Variants in NME8 observed in about 807,000 individuals in gnomAD.
The protein encoded by NME8 is protein NME8.
Under a neutral mutation model 82.3 loss-of-function variants are expected in NME8, and 72 were observed. The observed-to-expected ratio is 0.87, with a 90% CI of 0.72 to 1.06. The LOEUF (loss-of-function observed/expected upper bound fraction) is 1.06, where lower values mean the gene tolerates loss of function less well. Among genes scored for constraint, NME8 ranks in the 50% least tolerant of loss-of-function variants. The pLI is 0.00. For missense variants in NME8, 712 were observed against 685.4 expected, an observed-to-expected ratio of 1.04 and a Z score of -0.43; for synonymous variants, 267 against 228.5, an observed-to-expected ratio of 1.17 and a Z score of -1.52.
rs1784525675 is a variant in NME8 at position 37,857,318 on chromosome 7, A to G, written c.243A>G (p.Lys81=). The change falls in exon 6 of 18, where the codon AAA becomes AAG. Residue 81 remains lysine, a synonymous_variant. Transcript: ENST00000199447. ...TGACTTTGCAGCCATTTAGAGATAA[A>G]TGTGAACCTGTTTTTCTCTTTAGTG... The part of the protein sequence containing the change: ...NIVTLQPFRD[K]CEPVFLFSVN... The G allele has an allele frequency of 1.2e-6, 2 of 1,611,426 alleles. No individual in the cohort carries two copies. The highest frequency in any genetic ancestry group is 2.2e-5 in the South Asian group (2 of 90,858).
At chr7:37,879,623 A>G (rs1012428156) in intron 12 of NME8, among the ~76,000 whole-genome samples, 8 of 152,198 alleles carry the variant, frequency 5.3e-5, no homozygotes, top group African/African-American at 1.9e-4. Context: ...GGTTGCTTCC[A>G]GTTTTCAGCC....
rs117684951 is a variant in NME8, at chr7:37,869,957, C to T, written c.818+2059C>T. On this transcript the variant is annotated intron_variant, in intron 11 of 17. Transcript: ENST00000199447. ...TTTATCTGCCTAAGATCCTCAGATC[C>T]GACAGGAACAATTATTTTTCTTCCT... 9.4e-3 allele frequency among the ~76,000 whole-genome samples: 1,433 copies of T among 152,184 alleles called. 10 individuals carry two copies. The highest frequency in any genetic ancestry group is 0.015 in the Non-Finnish European group (994 of 68,010).
At chr7:37,870,663 A>G (rs1310513627) in intron 11 of NME8, among the ~76,000 whole-genome samples, 1 of 151,136 alleles carries the variant, frequency 6.6e-6, no homozygotes. Context: ...TCATGCAGCC[A>G]GTGGGCTGCA....
rs374765720 is a variant in NME8 at position 37,865,517 on chromosome 7, A to C, written c.529-8A>C. The C allele has an allele frequency of 7.9e-5, 126 of 1,594,974 alleles. 1 individual carries two copies. In the Middle Eastern group the frequency reaches 1.7e-3, roughly 21 times the overall value. Reference sequence around the variant, plus strand: ...ACACCTGGATTTGACCTTACTCTCTAATTGAAGATTACCAAAGCTGGATTT... The same window carrying C: ...ACACCTGGATTTGACCTTACTCTCTCATTGAAGATTACCAAAGCTGGATTT... On this transcript the variant is annotated splice_region_variant and splice_polypyrimidine_tract_variant and intron_variant, in intron 9 of 17. Coordinates refer to ENST00000199447, the MANE Select transcript of NME8 (RefSeq NM_016616.5).
intron 6 of NME8, among the ~76,000 whole-genome samples, chr7:37,861,318 C>T (rs928700872): frequency 6.6e-6 from 1 of 152,152 alleles, no homozygotes; most frequent in African/African-American, 2.4e-5. Context: ...AGCTTTAGAA[C>T]CCTTATGTCT....
At chr7:37,861,623 A>G (rs1429432082) in intron 6 of NME8, among the ~76,000 whole-genome samples, 1 of 152,168 alleles carries the variant, frequency 6.6e-6, no homozygotes. Context: ...CAGTAAACAG[A>G]TGCTTAGTAA....
Position 37,865,613 on chromosome 7 carries a change from AC to A in NME8, c.619del (p.Gln207SerfsTer11). 1 of 1,605,738 alleles carries A rather than the reference AC, an allele frequency of 6.2e-7. No individual in the cohort carries two copies. Among genetic ancestry groups the A allele is most frequent in the Non-Finnish European group, 8.5e-7 (1 of 1,172,550 alleles). ...QVVNFYSRIADQCDFEEFVSF... is the reference protein window; with the variant it reads ...QVVNFYSRIAXQCDFEEFVSF... The stretch of plus-strand genomic sequence containing the variant: ...GTCAACTTCTATAGTCGAATAGCAG[AC>A]CAGGTATGAAAGTTAAAAAGAAAAA... On this transcript the variant is annotated frameshift_variant, in exon 10 of 18. Coordinates refer to ENST00000199447, the MANE Select transcript of NME8 (RefSeq NM_016616.5). LOFTEE classifies it high-confidence loss of function.
At chr7:37,854,160 GAT>G (rs774740645) in intron 5 of NME8, among the ~76,000 whole-genome samples, 50 of 152,064 alleles carry the variant, frequency 3.3e-4, no homozygotes, top group Non-Finnish European at 4.9e-4. Flanking sequence ...ACAGTCGATT[GAT>G]ACATATTCTG....
intron 2 of NME8, among the ~76,000 whole-genome samples, chr7:37,850,032 C>T (rs984861234): frequency 1.3e-5 from 2 of 151,952 alleles, no homozygotes; most frequent in Non-Finnish European, 2.9e-5. Flanking sequence ...GTGATGGATA[C>T]CCCATTTACC....
intron 5 of NME8, 28 bp downstream of exon 5, chr7:37,850,763 T>A: frequency 7.2e-7 from 1 of 1,391,002 alleles, no homozygotes; most frequent in Non-Finnish European, 1.0e-6. Context: ...ATTAAACCAC[T>A]GTTTTCACAT....
chr7:37,890,263 C>T (rs1785108288), intron 15 of NME8, among the ~76,000 whole-genome samples: 1 of 151,942 alleles, frequency 6.6e-6, no homozygotes, highest in African/African-American at 2.4e-5. Context: ...TGTTAAACAG[C>T]CAAATTCACT....
intron 14 of NME8, among the ~76,000 whole-genome samples, chr7:37,886,664 C>A (rs1785045278): frequency 6.6e-6 from 1 of 152,122 alleles, no homozygotes; most frequent in South Asian, 2.1e-4. Context: ...TCATGTTTAA[C>A]AGCATAACAG....
chr7:37,870,673 A>T (rs1361077401), intron 11 of NME8, among the ~76,000 whole-genome samples: 1 of 151,604 alleles, frequency 6.6e-6, no homozygotes, highest in Non-Finnish European at 1.5e-5. Flanking sequence ...AGTGGGCTGC[A>T]GGTTGGACAA....
chr7:37,865,941 T>C (rs1333154513), intron 10 of NME8, among the ~76,000 whole-genome samples: 1 of 152,120 alleles, frequency 6.6e-6, no homozygotes, highest in African/African-American at 2.4e-5. Context: ...TTGATTTTTA[T>C]TCTGGGTTGA....
intron 5 of NME8, among the ~76,000 whole-genome samples, chr7:37,855,571 C>A (rs1784498467): frequency 6.6e-6 from 1 of 152,120 alleles, no homozygotes; most frequent in South Asian, 2.1e-4. Context: ...TTCAGGTAGA[C>A]ATCTTTTCTC....
In NME8 at chr7:37,862,009, G is replaced by C. The variant is rs1486411712; in HGVS notation, c.271-19G>C. ...TTCTCCAAATGAAAGTTCCCCTCCT[G>C]TTTTCATTTCCCTTATAGAATGGCA... is the stretch of plus-strand genomic sequence containing the variant. On this transcript the variant is annotated intron_variant, in intron 6 of 17. Transcript: ENST00000199447. The C allele has an allele frequency of 1.2e-5, 19 of 1,524,766 alleles. No individual in the cohort carries two copies. The highest frequency in any genetic ancestry group is 1.7e-5 in the Non-Finnish European group (19 of 1,098,764). 94.5% of individuals were successfully genotyped at this position (1,524,766 alleles called of 1,614,324 possible). A position where few individuals can be genotyped will look rare whatever the true frequency, so the allele number is the denominator to read the frequency against.
intron 12 of NME8, among the ~76,000 whole-genome samples, chr7:37,880,530 GCTCTCTGCTCTGT>G (rs1423461420): frequency 6.6e-6 from 1 of 152,070 alleles, no homozygotes; most frequent in Non-Finnish European, 1.5e-5. Flanking sequence ...CTTTTTCTGG[GCTCTCTGCTCTGT>G]TCCATTAATC....
chr7:37,858,752 T>G (rs747021750), intron 6 of NME8, among the ~76,000 whole-genome samples: 20 of 151,994 alleles, frequency 1.3e-4, no homozygotes, highest in Non-Finnish European at 2.5e-4. Context: ...TCTGGGATAG[T>G]CGATAATATA....
intron 11 of NME8, among the ~76,000 whole-genome samples, chr7:37,869,175 C>T (rs1784733983): frequency 6.6e-6 from 1 of 152,180 alleles, no homozygotes; most frequent in Non-Finnish European, 1.5e-5. Flanking sequence ...TCTGTTGGCT[C>T]CTAGTGATGC....
Sources: gnomAD v4.1 joint callset for allele counts (sites outside exome capture counted in the v4.1 genomes callset) on GRCh38, gnomAD v4.1.1 for gene constraint, MANE v1.5 for transcripts, NCBI Gene and HGNC (gene_info 2026-07-23, HGNC 2026-07-21) for gene names.